The following CDC25A variants were observed in gnomAD, a reference collection of about 807,000 sequenced individuals.
The protein encoded by CDC25A is cell division cycle 25A.
A neutral mutation model predicts 64.6 loss-of-function variants in CDC25A; 17 were observed. The observed-to-expected ratio is 0.26, with a 90% CI of 0.18 to 0.39. The LOEUF (loss-of-function observed/expected upper bound fraction) is 0.39, where lower values mean the gene tolerates loss of function less well. Among genes scored for constraint, CDC25A ranks in the 10% least tolerant of loss-of-function variants. CDC25A has a pLI of 1.00. For synonymous variants in CDC25A, 229 were observed against 238.6 expected (o/e 0.96, Z 0.37); for missense variants, 473 against 654.8 (o/e 0.72, Z 3.03).
intron 5 of CDC25A, among the ~76,000 whole-genome samples, chr3:48,182,461 A>G (rs1230944448): frequency 1.3e-5 from 2 of 152,216 alleles, no homozygotes; most frequent in African/African-American, 4.8e-5. Context: ...AGTTACTCTG[A>G]GATTCCCTAG....
At chr3:48,167,983 T>G in intron 9 of CDC25A, 39 bp from the exon 10 acceptor site, 2 of 1,249,018 alleles carry the variant, frequency 1.6e-6, no homozygotes, top group Non-Finnish European at 2.4e-6. Context: ...ACAAGGGTTC[T>G]GAATGGAACT....
intron 13 of CDC25A, 24 bp downstream of exon 13, chr3:48,164,283 A>G (rs1033118665): frequency 6.7e-7 from 1 of 1,496,958 alleles, no homozygotes; most frequent in African/African-American, 1.4e-5. Flanking sequence ...TGTGCCCCAG[A>G]ACCCAGTTCC....
chr3:48,168,684 G>T (rs551561013), intron 9 of CDC25A, among the ~76,000 whole-genome samples: 2 of 150,970 alleles, frequency 1.3e-5, no homozygotes, highest in African/African-American at 4.9e-5. Context: ...GGAGTGCAGT[G>T]GAGTACAGGA....
chr3:48,167,983 T>C, intron 9 of CDC25A, 39 bp from the exon 10 acceptor site: 1 of 1,249,026 alleles, frequency 8.0e-7, no homozygotes, highest in South Asian at 1.2e-5. Flanking sequence ...ACAAGGGTTC[T>C]GAATGGAACT....
At chr3:48,162,266 TTGTGTGTGTGTG>T (rs35591959) in intron 13 of CDC25A, among the ~76,000 whole-genome samples, 2 of 144,692 alleles carry the variant, frequency 1.4e-5, no homozygotes, top group African/African-American at 2.5e-5. Flanking sequence ...AGTATAACCT[TTGTGTGTGTGTG>T]TGTGTGTGTG....
chr3:48,182,616 G>T (rs2106757244), intron 5 of CDC25A, among the ~76,000 whole-genome samples: 1 of 152,312 alleles, frequency 6.6e-6, no homozygotes, highest in East Asian at 1.9e-4. Flanking sequence ...TTACTCCTGT[G>T]AGCTACAATC....
intron 8 of CDC25A, 37 bp downstream of exon 8, chr3:48,177,333 CA>C: frequency 6.7e-7 from 1 of 1,503,758 alleles, no homozygotes; most frequent in Non-Finnish European, 9.3e-7. Flanking sequence ...GTGCCCCAAT[CA>C]CGCAGGGCTT....
intron 5 of CDC25A, chr3:48,181,512 G>A: frequency 8.6e-7 from 1 of 1,157,772 alleles, no homozygotes. Flanking sequence ...GTTGCCCTTG[G>A]TCTCGGGGTC....
chr3:48,186,863 A>C (rs1013080856), intron 1 of CDC25A, 84 bp from the exon 2 acceptor site: 32 of 935,762 alleles, frequency 3.4e-5, no homozygotes, highest in South Asian at 8.6e-5. Flanking sequence ...TGAGATTAAG[A>C]AGCAGCCAGG....
intron 2 of CDC25A, among the ~76,000 whole-genome samples, chr3:48,186,287 T>C (rs760899005): frequency 5.9e-5 from 9 of 152,136 alleles, no homozygotes; most frequent in Admixed American, 1.3e-4. Flanking sequence ...ATAATGTTTA[T>C]CACCGGGCGC....
chr3:48,179,051 T>C (rs2032569293), intron 6 of CDC25A, among the ~76,000 whole-genome samples: 1 of 152,190 alleles, frequency 6.6e-6, no homozygotes, highest in African/African-American at 2.4e-5. Flanking sequence ...GAGTGGATCA[T>C]GCACCAAGGA....
At chr3:48,173,453 C>A (rs1211171876) in intron 9 of CDC25A, among the ~76,000 whole-genome samples, 2 of 152,184 alleles carry the variant, frequency 1.3e-5, no homozygotes, top group East Asian at 3.8e-4. Flanking sequence ...GACAGCAACA[C>A]AACAAGCCCC....
At position 48,165,729 on chromosome 3, in the gene CDC25A, T is replaced by C. The variant is rs112492741; in HGVS notation, c.1098A>G (p.Ala366=). The C allele has an allele frequency of 4.1e-4, 661 of 1,612,550 alleles. 1 individual carries two copies. The highest frequency in any genetic ancestry group is 5.4e-4 in the Non-Finnish European group (634 of 1,178,690). The change falls in exon 12 of 15, where the codon GCA becomes GCG. Residue 366 remains alanine (A), a synonymous_variant. Coordinates refer to ENST00000302506, the MANE Select transcript of CDC25A (RefSeq NM_001789.3). ...TGGCAAACTTGCCATTCAAAACAGATGCCATCTGTTGAGAGAAAATTAGGG... is the reference window on the plus strand; with the variant it reads ...TGGCAAACTTGCCATTCAAAACAGACGCCATCTGTTGAGAGAAAATTAGGG... ...DLKYISPEIM[A]SVLNGKFANL...
chr3:48,162,616 G>C (rs1348880588), intron 13 of CDC25A, among the ~76,000 whole-genome samples: 1 of 152,122 alleles, frequency 6.6e-6, no homozygotes, highest in East Asian at 1.9e-4. Flanking sequence ...GGGAGGCCGA[G>C]ACGGGCAGAT....
intron 6 of CDC25A, among the ~76,000 whole-genome samples, chr3:48,179,776 A>G (rs1460706062): frequency 1.3e-5 from 2 of 152,232 alleles, no homozygotes; most frequent in East Asian, 3.8e-4. Flanking sequence ...TCCACTTCAC[A>G]AGACAAGAAC....
chr3:48,187,805 G>T lies in CDC25A; in HGVS notation c.143C>A (p.Thr48Asn). 1 of 1,548,556 alleles carries T rather than the reference G, an allele frequency of 6.5e-7. No individual in the cohort carries two copies. The change falls in exon 1 of 15, where the codon ACT (threonine) becomes AAT (asparagine). Residue 48 changes from threonine to asparagine, a missense_variant. Thr to Asn is a moderately conservative substitution (Grantham distance 65, BLOSUM62 0). Transcript: ENST00000302506. ...GCCCAGACCCTGCAGCTGGTCCATA[G>T]TGACGGTCAGGTTGGTGACAGGCGA... ...GLSPVTNLTV[T>N]MDQLQGLGSD...
intron 9 of CDC25A, among the ~76,000 whole-genome samples, chr3:48,170,146 C>A (rs1228695070): frequency 6.6e-6 from 1 of 152,122 alleles, no homozygotes; most frequent in Non-Finnish European, 1.5e-5. Context: ...AGTGCTGTTA[C>A]CCCCAGATAT....
chr3:48,186,189 G>C (rs1221384142), intron 2 of CDC25A, among the ~76,000 whole-genome samples: 1 of 152,004 alleles, frequency 6.6e-6, no homozygotes, highest in African/African-American at 2.4e-5. Context: ...ATCCTTCAAG[G>C]GCAAGCACAC....
intron 7 of CDC25A, 47 bp downstream of exon 7, chr3:48,177,807 A>G: frequency 6.2e-7 from 1 of 1,601,710 alleles, no homozygotes; most frequent in African/African-American, 1.4e-5. Flanking sequence ...CTCCAGAGGT[A>G]ATTAATTAGT....
Sources: gnomAD v4.1 joint callset for allele counts (sites outside exome capture counted in the v4.1 genomes callset) on GRCh38, gnomAD v4.1.1 for gene constraint, MANE v1.5 for transcripts, NCBI Gene and HGNC (gene_info 2026-07-23, HGNC 2026-07-21) for gene names.